The following WWOX variants were observed in gnomAD, a reference collection of about 807,000 sequenced individuals.
The protein encoded by WWOX is WW domain containing oxidoreductase.
A neutral mutation model predicts 46.2 loss-of-function variants in WWOX; 69 were observed. That is an observed-to-expected ratio of 1.49 (90% confidence interval 1.23 to 1.82). WWOX has a LOEUF of 1.82. Ranked by LOEUF, WWOX falls within the 40% of genes most tolerant of loss-of-function variation. The pLI is 0.00. For missense variants in WWOX, 919 were observed against 542.6 expected (o/e 1.69, Z -6.89); for synonymous variants, 359 against 202.6 (o/e 1.77, Z -6.56).
intron 8 of WWOX, among the ~76,000 whole-genome samples, chr16:78,631,384 A>T (rs1439739051): frequency 6.6e-6 from 1 of 152,160 alleles, no homozygotes; most frequent in East Asian, 1.9e-4. Flanking sequence ...ACAGAACTCA[A>T]ACTGACGATC....
chr16:78,971,975 C>T (rs74833443), intron 8 of WWOX, among the ~76,000 whole-genome samples: 41 of 152,272 alleles, frequency 2.7e-4, no homozygotes, highest in Non-Finnish European at 5.7e-4. Context: ...TGGAGCTCTT[C>T]CCAGGCCGAG....
rs188353887 is a variant in WWOX at position 78,526,009 on chromosome 16, C to A, written c.1056+93257C>A. On this transcript the variant is annotated intron_variant, in intron 8 of 8. Transcript: ENST00000566780. ...GTATCATCCTATCTGCTTCTGACAC[C>A]CAGTAAGCAGCTCTGGCTTTTATAA... 2.6e-5 allele frequency: 4 copies of A among 152,186 alleles called. No individual in the cohort carries two copies. In the East Asian group the frequency reaches 7.7e-4, roughly 29 times the overall value. 9.4% of individuals were successfully genotyped at this position (152,186 alleles called of 1,614,324 possible).
chr16:78,956,347 G>C (rs2046166598), intron 8 of WWOX, among the ~76,000 whole-genome samples: 1 of 152,054 alleles, frequency 6.6e-6, no homozygotes, highest in East Asian at 1.9e-4. Flanking sequence ...TGAAGGCGGA[G>C]TTTCACCATG....
At chr16:78,750,358 T>A (rs2049446708) in intron 8 of WWOX, among the ~76,000 whole-genome samples, 1 of 152,218 alleles carries the variant, frequency 6.6e-6, no homozygotes, top group African/African-American at 2.4e-5. Flanking sequence ...CCAGGACTCC[T>A]AGTTGTGAAC....
At chr16:78,689,715 A>G (rs2047942258) in intron 8 of WWOX, among the ~76,000 whole-genome samples, 1 of 152,182 alleles carries the variant, frequency 6.6e-6, no homozygotes, top group Non-Finnish European at 1.5e-5. Flanking sequence ...TTCCTTGACT[A>G]TAAATCTCCA....
chr16:78,637,614 G>A (rs536889054), intron 8 of WWOX, among the ~76,000 whole-genome samples: 1 of 152,264 alleles, frequency 6.6e-6, no homozygotes, highest in South Asian at 2.1e-4. Flanking sequence ...ATCATTCCCA[G>A]ATCAAAGAAA....
intron 8 of WWOX, among the ~76,000 whole-genome samples, chr16:78,855,810 T>G (rs767959583): frequency 6.6e-5 from 10 of 152,232 alleles, no homozygotes; most frequent in Non-Finnish European, 1.3e-4. Context: ...TCATCACTTA[T>G]TTCCTGACTT....
chr16:79,042,926 G>A (rs1240381463), intron 8 of WWOX, among the ~76,000 whole-genome samples: 1 of 152,150 alleles, frequency 6.6e-6, no homozygotes, highest in Non-Finnish European at 1.5e-5. Context: ...AGAATTTCAT[G>A]ATGAGCAAAT....
At chr16:78,824,627 T>A (rs1370738374) in intron 8 of WWOX, among the ~76,000 whole-genome samples, 3 of 152,092 alleles carry the variant, frequency 2.0e-5, no homozygotes, top group Non-Finnish European at 2.9e-5. Flanking sequence ...AGGCACTTCT[T>A]ACACGGCAGC....
intron 8 of WWOX, among the ~76,000 whole-genome samples, chr16:78,590,027 G>A (rs1022423322): frequency 1.1e-4 from 16 of 152,158 alleles, no homozygotes; most frequent in South Asian, 4.1e-4. Context: ...TACGTGTCAC[G>A]CACTGTGATA....
intron 8 of WWOX, among the ~76,000 whole-genome samples, chr16:79,155,423 T>G (rs1250022202): frequency 6.6e-6 from 1 of 152,152 alleles, no homozygotes; most frequent in Non-Finnish European, 1.5e-5. Context: ...GTAAAATATT[T>G]TAGACTTTGA....
At chr16:79,005,755 C>G (rs1039944217) in intron 8 of WWOX, among the ~76,000 whole-genome samples, 1 of 152,190 alleles carries the variant, frequency 6.6e-6, no homozygotes, top group Non-Finnish European at 1.5e-5. Context: ...TGCAAAGACC[C>G]TATTTCCAAA....
chr16:78,641,937 C>G (rs1022465223), intron 8 of WWOX, among the ~76,000 whole-genome samples: 1 of 151,868 alleles, frequency 6.6e-6, no homozygotes, highest in African/African-American at 2.4e-5. Flanking sequence ...TGATCGCAGA[C>G]ACGGAAAAAA....
intron 8 of WWOX, among the ~76,000 whole-genome samples, chr16:78,946,773 G>T (rs1381852145): frequency 6.6e-6 from 1 of 151,330 alleles, no homozygotes; most frequent in Non-Finnish European, 1.5e-5. Context: ...TTGGCAGTGA[G>T]CCCCCGGGGG....
intron 8 of WWOX, among the ~76,000 whole-genome samples, chr16:78,573,052 C>T (rs1023540943): frequency 6.6e-6 from 1 of 152,120 alleles, no homozygotes; most frequent in African/African-American, 2.4e-5. Context: ...CTTTGGGAGG[C>T]CAAGGCAGGC....
Position 79,135,872 on chromosome 16 carries a change from C to T in WWOX, c.1057-75736C>T, listed in dbSNP as rs566151421. 2.2e-4 allele frequency among the ~76,000 whole-genome samples: 33 copies of T among 152,180 alleles called. 1 individual carries two copies. In the South Asian group the frequency reaches 5.8e-3, roughly 27 times the overall value. ...TTCACATTTCTTCTTTTCTGAACTG[C>T]CTTTCCATATTCTCGGTCCAGCTTT... On this transcript the variant is annotated intron_variant, in intron 8 of 8. Transcript: ENST00000566780.
intron 8 of WWOX, chr16:79,203,595 A>G (rs999016306): frequency 4.6e-5 from 7 of 152,034 alleles, no homozygotes; most frequent in Admixed American, 6.5e-5. Context: ...AATCTAAACA[A>G]ACAGCTTGTT....
chr16:78,271,379 G>A (rs11865828), intron 5 of WWOX, among the ~76,000 whole-genome samples: 31,933 of 152,074 alleles, frequency 0.21, 3,978 homozygotes, highest in African/African-American at 0.32. Flanking sequence ...CATAACCACA[G>A]TGTGCTGAGG....
chr16:79,105,093 A>G (rs1388907308), intron 8 of WWOX, among the ~76,000 whole-genome samples: 1 of 152,150 alleles, frequency 6.6e-6, no homozygotes, highest in Non-Finnish European at 1.5e-5. Context: ...CAGCACAGGG[A>G]CGCAGCCCCT....
Sources: gnomAD v4.1 joint callset for allele counts (sites outside exome capture counted in the v4.1 genomes callset) on GRCh38, gnomAD v4.1.1 for gene constraint, MANE v1.5 for transcripts, NCBI Gene and HGNC (gene_info 2026-07-23, HGNC 2026-07-21) for gene names.